LARGE1: variants seen among roughly 807,000 people sequenced by gnomAD.
LARGE1 encodes xylosyl- and glucuronyltransferase LARGE1.
In LARGE1, 43 loss-of-function variants were observed where a neutral mutation model predicts 87.6. The ratio of observed to expected loss-of-function variants is 0.49; its 90% confidence interval spans 0.38 to 0.63. The LOEUF (loss-of-function observed/expected upper bound fraction) is 0.63, where lower values mean the gene tolerates loss of function less well. Among genes scored for constraint, LARGE1 ranks in the 30% least tolerant of loss-of-function variants. The probability of loss-of-function intolerance (pLI) is 0.00; values close to 1 mark genes in which losing one functional copy is unlikely to be tolerated. For synonymous variants in LARGE1, 434 were observed against 394.6 expected (o/e 1.10, Z -1.18); for missense variants, 802 against 1,000.2 (o/e 0.80, Z 2.67).
intron 1 of LARGE1, among the ~76,000 whole-genome samples, chr22:33,872,668 C>G (rs1259493948): frequency 6.6e-6 from 1 of 152,098 alleles, no homozygotes; most frequent in East Asian, 1.9e-4. Context: ...AGCACACTGG[C>G]AGGAAGAGCC....
At chr22:33,123,841 C>T in the LARGE1 span, among the ~76,000 whole-genome samples, 1 of 152,206 alleles carries the variant, frequency 6.6e-6, no homozygotes. Flanking sequence ...GCTTGTGGAA[C>T]TGGGTGAAGG....
chr22:33,686,358 T>C (rs1048862472), intron 2 of LARGE1, among the ~76,000 whole-genome samples: 1 of 151,776 alleles, frequency 6.6e-6, no homozygotes, highest in East Asian at 2.0e-4. Context: ...CTGGCCAACA[T>C]GGTGAAACCC....
intron 7 of LARGE1, among the ~76,000 whole-genome samples, chr22:33,393,867 A>T (rs1486814306): frequency 6.6e-6 from 1 of 152,222 alleles, no homozygotes; most frequent in Non-Finnish European, 1.5e-5. Flanking sequence ...AAATAAATAA[A>T]TGAATAAATA....
intron 1 of LARGE1, among the ~76,000 whole-genome samples, chr22:33,878,422 C>A (rs976604375): frequency 6.6e-6 from 1 of 152,100 alleles, no homozygotes; most frequent in Non-Finnish European, 1.5e-5. Flanking sequence ...AGCCACCATA[C>A]CCGGCCAGCT....
chr22:33,540,748 C>T (rs1435166945), intron 6 of LARGE1, among the ~76,000 whole-genome samples: 1 of 152,094 alleles, frequency 6.6e-6, no homozygotes, highest in Non-Finnish European at 1.5e-5. Context: ...ACCTGGGCAT[C>T]ATTATTCTTC....
At chr22:33,589,123 A>G (rs77476025) in intron 5 of LARGE1, among the ~76,000 whole-genome samples, 319 of 152,322 alleles carry the variant, frequency 2.1e-3, no homozygotes, top group African/African-American at 7.4e-3. Flanking sequence ...CAACTGTAGT[A>G]AGTGAGGAGG....
chr22:33,905,826 T>A (rs1220851441), intron 1 of LARGE1, among the ~76,000 whole-genome samples: 1 of 152,156 alleles, frequency 6.6e-6, no homozygotes, highest in Non-Finnish European at 1.5e-5. Flanking sequence ...GAGATGTGCC[T>A]TTATAAAATG....
chr22:33,779,717 C>T lies in LARGE1; in HGVS notation c.-82-18159G>A, dbSNP rs1306844366. Among the ~76,000 whole-genome samples the T allele has an allele frequency of 2.0e-5, 3 of 151,906 alleles. No homozygotes were observed. The East Asian group carries it at 5.8e-4, about 29-fold the overall frequency. ...AGCAGAATCACTTGAACCCGGGAGG[C>T]GGAGGTTGCAGTGAGCCAAGATCGC... On this transcript the variant is annotated intron_variant, in intron 1 of 14. Transcript: ENST00000397394.
At chr22:33,447,319 C>T (rs1324303779) in intron 6 of LARGE1, among the ~76,000 whole-genome samples, 1 of 152,180 alleles carries the variant, frequency 6.6e-6, no homozygotes, top group East Asian at 1.9e-4. Flanking sequence ...ATGATGGATA[C>T]ACAAGCATGG....
intron 6 of LARGE1, among the ~76,000 whole-genome samples, chr22:33,473,436 G>C (rs928769275): frequency 1.3e-5 from 2 of 152,026 alleles, no homozygotes; most frequent in African/African-American, 4.8e-5. Context: ...TGCAACTTCT[G>C]CCTCCCGGGT....
At chr22:33,153,784 C>T in the LARGE1 span, among the ~76,000 whole-genome samples, 1 of 152,192 alleles carries the variant, frequency 6.6e-6, no homozygotes, top group Non-Finnish European at 1.5e-5. Context: ...GAATTAGGAA[C>T]TTCAGGTGAA....
intron 11 of LARGE1, among the ~76,000 whole-genome samples, chr22:33,179,625 G>A (rs1373717544): frequency 1.3e-5 from 2 of 152,114 alleles, no homozygotes; most frequent in Admixed American, 1.3e-4. Flanking sequence ...AATCAATGTA[G>A]TGTTTTACTC....
At chr22:33,698,681 T>C (rs2082324694) in intron 2 of LARGE1, among the ~76,000 whole-genome samples, 1 of 152,220 alleles carries the variant, frequency 6.6e-6, no homozygotes, top group Non-Finnish European at 1.5e-5. Flanking sequence ...GGCCATTTAC[T>C]GAACCTTTAC....
At chr22:33,462,624 T>C (rs1346033156) in intron 6 of LARGE1, among the ~76,000 whole-genome samples, 2 of 151,938 alleles carry the variant, frequency 1.3e-5, no homozygotes, top group Admixed American at 6.6e-5. Flanking sequence ...CTATTAAAAA[T>C]ACAAAAATTA....
At chr22:33,782,947 T>C (rs553096656) in intron 1 of LARGE1, among the ~76,000 whole-genome samples, 1 of 152,146 alleles carries the variant, frequency 6.6e-6, no homozygotes, top group South Asian at 2.1e-4. Context: ...CACCCTTATT[T>C]TTCCTGAGAA....
intron 11 of LARGE1, among the ~76,000 whole-genome samples, chr22:33,266,827 C>T (rs889970108): frequency 6.6e-6 from 1 of 151,344 alleles, no homozygotes; most frequent in African/African-American, 2.5e-5. Flanking sequence ...CATTTCACTC[C>T]CATTCAGGAA....
the LARGE1 span, among the ~76,000 whole-genome samples, chr22:33,073,526 C>A: frequency 6.6e-6 from 1 of 152,146 alleles, no homozygotes; most frequent in African/African-American, 2.4e-5. Context: ...TAACCTTTCC[C>A]TCCATTCTCT....
chr22:33,316,337 G>T, intron 10 of LARGE1, 89 bp from the exon 11 acceptor site: 1 of 1,301,420 alleles, frequency 7.7e-7, no homozygotes, highest in Non-Finnish European at 1.1e-6. Flanking sequence ...CCTCCCCTGA[G>T]TTTATTACCC....
At chr22:33,266,228 T>C (rs1927927387) in intron 11 of LARGE1, among the ~76,000 whole-genome samples, 1 of 146,568 alleles carries the variant, frequency 6.8e-6, no homozygotes, top group Admixed American at 6.7e-5. Context: ...GCTTTTTTTT[T>C]TTTTTTTTTT....
Sources: gnomAD v4.1 joint callset for allele counts (sites outside exome capture counted in the v4.1 genomes callset) on GRCh38, gnomAD v4.1.1 for gene constraint, MANE v1.5 for transcripts, NCBI Gene and HGNC (gene_info 2026-07-23, HGNC 2026-07-21) for gene names.